Variants in CCSER1 observed in about 807,000 individuals in gnomAD.
The protein encoded by CCSER1 is coiled-coil serine rich protein 1.
CCSER1 carries 41 observed loss-of-function variants against 82.0 expected under a neutral mutation model. The ratio of observed to expected loss-of-function variants is 0.50; its 90% CI spans 0.39 to 0.65. The LOEUF is 0.65. Ranked by LOEUF, CCSER1 falls within the 30% of genes least tolerant of loss-of-function variation. CCSER1 has a pLI of 0.00. For missense variants in CCSER1, 1,119 were observed against 1,064.2 expected (o/e 1.05, Z -0.72); for synonymous variants, 414 against 383.9 (o/e 1.08, Z -0.92).
chr4:91,498,938 G>A (rs940383832), intron 10 of CCSER1, among the ~76,000 whole-genome samples: 2 of 151,634 alleles, frequency 1.3e-5, no homozygotes, highest in Admixed American at 6.6e-5. Flanking sequence ...TACATATCCA[G>A]CATAATTTAC....
chr4:91,192,466 C>A (rs995435073), intron 10 of CCSER1, among the ~76,000 whole-genome samples: 2 of 152,174 alleles, frequency 1.3e-5, no homozygotes, highest in African/African-American at 4.8e-5. Flanking sequence ...AGCTTGTCCA[C>A]CCTACCTGCT....
chr4:90,682,577 A>G (rs1301313001), intron 6 of CCSER1, among the ~76,000 whole-genome samples: 4 of 152,018 alleles, frequency 2.6e-5, no homozygotes, highest in Non-Finnish European at 5.9e-5. Flanking sequence ...AATATCAATT[A>G]TGGAGCCAGG....
chr4:91,219,253 A>G (rs1737541243), intron 10 of CCSER1, among the ~76,000 whole-genome samples: 1 of 150,424 alleles, frequency 6.6e-6, no homozygotes, highest in Non-Finnish European at 1.5e-5. Context: ...TGATTTTTAC[A>G]CTGGCCAATT....
At chr4:90,864,021 C>G (rs1207196621) in intron 8 of CCSER1, among the ~76,000 whole-genome samples, 1 of 97,280 alleles carries the variant, frequency 1.0e-5, no homozygotes, top group Admixed American at 1.1e-4. Context: ...TTTATTTTAC[C>G]ACCATGAGCT....
chr4:90,238,238 G>T (rs549693544), intron 1 of CCSER1, among the ~76,000 whole-genome samples: 37 of 152,288 alleles, frequency 2.4e-4, no homozygotes, highest in Middle Eastern at 6.8e-3. Context: ...GGAGGTAGGG[G>T]TATGGTGATG....
intron 7 of CCSER1, among the ~76,000 whole-genome samples, chr4:90,803,929 T>C (rs62314107): frequency 0.34 from 51,763 of 152,104 alleles, 9,027 homozygotes; most frequent in East Asian, 0.42. Context: ...TGGTGTCTCA[T>C]TGTGGTTTTG....
At chr4:90,420,265 A>G (rs1166860773) in intron 4 of CCSER1, among the ~76,000 whole-genome samples, 2 of 152,068 alleles carry the variant, frequency 1.3e-5, no homozygotes, top group African/African-American at 4.8e-5. Context: ...ATTAATTAAA[A>G]TAGTAACATT....
chr4:90,934,191 G>C (rs76064102), intron 9 of CCSER1, among the ~76,000 whole-genome samples: 10,955 of 151,844 alleles, frequency 0.072, 535 homozygotes, highest in Middle Eastern at 0.12. Context: ...TACAGTATAA[G>C]GACAAAGACA....
chr4:90,494,149 A>T (rs988410154), intron 5 of CCSER1, among the ~76,000 whole-genome samples: 1 of 152,222 alleles, frequency 6.6e-6, no homozygotes, highest in Non-Finnish European at 1.5e-5. Flanking sequence ...AAACCGACAA[A>T]GGTCAAAAGA....
At chr4:91,595,150 C>A (rs1183571253) in intron 10 of CCSER1, among the ~76,000 whole-genome samples, 1 of 152,098 alleles carries the variant, frequency 6.6e-6, no homozygotes, top group East Asian at 1.9e-4. Flanking sequence ...ATAAGACTCC[C>A]ACCGACTTGC....
At chr4:91,437,308 A>G (rs1186431645) in intron 10 of CCSER1, among the ~76,000 whole-genome samples, 1 of 152,232 alleles carries the variant, frequency 6.6e-6, no homozygotes, top group African/African-American at 2.4e-5. Context: ...TTTGACCATA[A>G]AGGAATTTGA....
intron 5 of CCSER1, among the ~76,000 whole-genome samples, chr4:90,500,976 A>G (rs1769782569): frequency 6.6e-6 from 1 of 152,090 alleles, no homozygotes; most frequent in African/African-American, 2.4e-5. Context: ...GAAGGAGAAT[A>G]TGGCTCTATA....
At chr4:90,836,040 C>T (rs1414483013) in intron 8 of CCSER1, among the ~76,000 whole-genome samples, 1 of 152,132 alleles carries the variant, frequency 6.6e-6, no homozygotes, top group Non-Finnish European at 1.5e-5. Flanking sequence ...ATTTTGGTAG[C>T]ATTCCCAACA....
chr4:90,713,158 GT>G (rs1403446179), intron 6 of CCSER1, among the ~76,000 whole-genome samples: 1 of 152,006 alleles, frequency 6.6e-6, no homozygotes, highest in East Asian at 1.9e-4. Context: ...GGTTAATACC[GT>G]TATGTGTGAA....
chr4:90,137,665 T>G (rs150340700), intron 1 of CCSER1, among the ~76,000 whole-genome samples: 1 of 152,332 alleles, frequency 6.6e-6, no homozygotes, highest in East Asian at 1.9e-4. Flanking sequence ...AATTTGAAGT[T>G]CTGGAGATTC....
rs538278090 is a variant in CCSER1 at position 91,519,098 on chromosome 4, TG to T, written c.2218-79473del. On this transcript the variant is annotated intron_variant, in intron 10 of 10. Transcript: ENST00000509176. Reference sequence around the variant, plus strand: ...CCTTGGAGAAATGCTGAGCCACTTCTGAAGTATCCAGGTGGGGGCAGGGTAG... The same window carrying T: ...CCTTGGAGAAATGCTGAGCCACTTCTAAGTATCCAGGTGGGGGCAGGGTAG... 2.9e-3 allele frequency among the ~76,000 whole-genome samples: 446 copies of T among 152,346 alleles called. 5 individuals carry two copies. Among genetic ancestry groups the T allele is most frequent in the African/African-American group, 0.01 (424 of 41,584 alleles).
intron 3 of CCSER1, among the ~76,000 whole-genome samples, chr4:90,368,768 G>A (rs28433487): frequency 0.37 from 55,613 of 149,876 alleles, 10,888 homozygotes; most frequent in African/African-American, 0.48. Flanking sequence ...ATATAAATAC[G>A]CACACACACA....
chr4:90,899,720 T>A lies in CCSER1; in HGVS notation c.2095-23650T>A, dbSNP rs990870824. Among the ~76,000 whole-genome samples the A allele has an allele frequency of 6.6e-5, 10 of 152,028 alleles. 1 individual carries two copies. In the Middle Eastern group the frequency reaches 0.014, roughly 207 times the overall value. On this transcript the variant is annotated intron_variant, in intron 8 of 10. Transcript: ENST00000509176. ...CTACTGAGATAATGATAGGGTTTTT[T>A]AAAAATTTTGTTTATGTGATAAATC...
chr4:90,390,742 A>G (rs1020733241), intron 3 of CCSER1, among the ~76,000 whole-genome samples: 1 of 152,188 alleles, frequency 6.6e-6, no homozygotes, highest in Non-Finnish European at 1.5e-5. Context: ...TGCAATTAAC[A>G]TAGATACAAG....
Sources: allele counts gnomAD v4.1 joint callset (sites outside exome capture counted in the v4.1 genomes callset), GRCh38; gene constraint gnomAD v4.1.1; transcripts MANE v1.5; gene names NCBI Gene and HGNC (gene_info 2026-07-23, HGNC 2026-07-21).